TPTE2: variants seen among roughly 807,000 people sequenced by gnomAD.
The protein encoded by TPTE2 is transmembrane phosphoinositide 3-phosphatase and tensin homolog 2, also known as phosphatidylinositol 3,4,5-trisphosphate 3-phosphatase TPTE2.
TPTE2 carries 53 observed loss-of-function variants against 78.6 expected under a neutral mutation model. The ratio of observed to expected loss-of-function variants is 0.67; its 90% confidence interval spans 0.54 to 0.85. The LOEUF (loss-of-function observed/expected upper bound fraction) is 0.85, where lower values mean the gene tolerates loss of function less well. Among genes scored for constraint, TPTE2 ranks in the 40% least tolerant of loss-of-function variants. The probability of loss-of-function intolerance (pLI) is 0.00; values close to 1 mark genes in which losing one functional copy is unlikely to be tolerated. For missense variants in TPTE2, 461 were observed against 623.0 expected (o/e 0.74, Z 2.77); for synonymous variants, 175 against 206.2 (o/e 0.85, Z 1.30).
intron 6 of TPTE2, among the ~76,000 whole-genome samples, chr13:19,468,128 C>T (rs1397395643): frequency 1.3e-5 from 2 of 148,258 alleles, no homozygotes; most frequent in East Asian, 4.0e-4. Context: ...GCAACCTCCA[C>T]CTCCCAGGTT....
the TPTE2 span, chr13:19,560,748 A>C: frequency 6.8e-7 from 1 of 1,476,180 alleles, no homozygotes; most frequent in Non-Finnish European, 9.3e-7. Flanking sequence ...CCAGGGGCCC[A>C]GCAGGGAAGG....
intron 4 of TPTE2, among the ~76,000 whole-genome samples, chr13:19,477,082 G>A (rs977448060): frequency 2.0e-5 from 3 of 152,074 alleles, no homozygotes; most frequent in African/African-American, 7.2e-5. Context: ...TGGATCTGGA[G>A]GCTCTTATCC....
Position 19,486,167 on chromosome 13 carries a change from T to C in TPTE2, c.120-3620A>G, listed in dbSNP as rs1417139224. On this transcript the variant is annotated intron_variant, in intron 3 of 19. Transcript: ENST00000400230. The surrounding 1 kb of genome is among the most constrained non-coding windows in gnomAD (Gnocchi z 4.3). ...ATTTTATGGAGTAGGTTTACTTGTA[T>C]GAATTTATTTCTATGAATAGGTCTC... is the stretch of plus-strand genomic sequence containing the variant. 6.6e-6 allele frequency among the ~76,000 whole-genome samples: 1 copy of C among 152,234 alleles called. No individual in the cohort carries two copies. Among genetic ancestry groups the C allele is most frequent in the Non-Finnish European group, 1.5e-5 (1 of 68,044 alleles).
chr13:19,538,870 T>A (rs1320489584), upstream of TPTE2, among the ~76,000 whole-genome samples: 7 of 152,138 alleles, frequency 4.6e-5, no homozygotes, highest in African/African-American at 1.4e-4. Context: ...TCCGACAGAA[T>A]TGGATTTTTT....
chr13:19,475,074 G>C (rs1879850677), intron 5 of TPTE2, among the ~76,000 whole-genome samples: 2 of 152,210 alleles, frequency 1.3e-5, no homozygotes, highest in African/African-American at 4.8e-5. Context: ...AAAATTCCAT[G>C]ATAAATTACA....
chr13:19,544,978 A>G, the TPTE2 span, among the ~76,000 whole-genome samples: 1 of 140,514 alleles, frequency 7.1e-6, no homozygotes, highest in Non-Finnish European at 1.6e-5. Context: ...ACACACACAC[A>G]CGATAGGCAG....
At chr13:19,529,825 G>A (rs1870753810) in intron 1 of TPTE2, among the ~76,000 whole-genome samples, 1 of 152,038 alleles carries the variant, frequency 6.6e-6, no homozygotes, top group African/African-American at 2.4e-5. Flanking sequence ...TTCTCACTTA[G>A]CATCTCATTT....
chr13:19,561,507 T>C, the TPTE2 span, among the ~76,000 whole-genome samples: 5 of 151,998 alleles, frequency 3.3e-5, no homozygotes, highest in Non-Finnish European at 5.9e-5. Context: ...TACCAGGTTA[T>C]CAGGAAGTAA....
intron 9 of TPTE2, 74 bp from the exon 13 acceptor site, chr13:19,464,594 A>C: frequency 6.7e-7 from 1 of 1,492,072 alleles, no homozygotes; most frequent in South Asian, 1.3e-5. Flanking sequence ...TAATTTATAC[A>C]TGATCAGACT....
At chr13:19,530,309 G>A (rs1383876416) in intron 1 of TPTE2, among the ~76,000 whole-genome samples, 1 of 152,126 alleles carries the variant, frequency 6.6e-6, no homozygotes, top group African/African-American at 2.4e-5. Flanking sequence ...AGTCTGTCAA[G>A]CAGGACCCTG....
intron 15 of TPTE2, among the ~76,000 whole-genome samples, chr13:19,434,647 GGT>G (rs2137485303): frequency 6.6e-6 from 1 of 152,214 alleles, no homozygotes; most frequent in East Asian, 1.9e-4. Flanking sequence ...AGTGGATAAG[GGT>G]GAGTTCTTCT....
chr13:19,437,660 G>A (rs1473014283), intron 14 of TPTE2, among the ~76,000 whole-genome samples: 3 of 152,094 alleles, frequency 2.0e-5, no homozygotes, highest in African/African-American at 7.2e-5. Context: ...AGTGAGGGAA[G>A]CATGTTGATT....
chr13:19,496,905 G>A (rs1185441708), intron 1 of TPTE2, among the ~76,000 whole-genome samples: 1 of 152,162 alleles, frequency 6.6e-6, no homozygotes, highest in Admixed American at 6.5e-5. Flanking sequence ...ATCTCACTAG[G>A]GAGTGCCAGA....
rs376053429 is a variant in TPTE2 at position 19,524,043 on chromosome 13, G to C, written c.-44+12553C>G. Reference sequence around the variant, plus strand: ...AGCTGGGAATGAGATGTCAATAGGGGACTTTGAAATGCTCTGACACATTCC... The same window carrying C: ...AGCTGGGAATGAGATGTCAATAGGGCACTTTGAAATGCTCTGACACATTCC... On this transcript the variant is annotated intron_variant, in intron 1 of 17. Coordinates refer to the TPTE2 transcript ENST00000390680. 3.5e-4 allele frequency among the ~76,000 whole-genome samples: 54 copies of C among 152,262 alleles called. 1 individual carries two copies. In the South Asian group the frequency reaches 0.011, roughly 30 times the overall value.
intron 13 of TPTE2, among the ~76,000 whole-genome samples, chr13:19,444,462 A>T (rs886517971): frequency 1.3e-5 from 2 of 152,122 alleles, no homozygotes; most frequent in Non-Finnish European, 2.9e-5. Flanking sequence ...GATATCATTT[A>T]AATAGCCACA....
intron 11 of TPTE2, 127 bp downstream of exon 14, chr13:19,451,038 T>G: frequency 8.5e-7 from 1 of 1,182,854 alleles, no homozygotes; most frequent in East Asian, 2.6e-5. Context: ...GATGGGGATT[T>G]TTAAATTCAT....
chr13:19,540,389 C>T (rs1420741104), upstream of TPTE2, among the ~76,000 whole-genome samples: 8 of 151,758 alleles, frequency 5.3e-5, no homozygotes, highest in East Asian at 1.6e-3. Context: ...ATTGCAACCT[C>T]AACCTCCCAG....
upstream of TPTE2, among the ~76,000 whole-genome samples, chr13:19,505,390 C>T (rs1199624614): frequency 4.6e-5 from 7 of 152,120 alleles, no homozygotes; most frequent in Non-Finnish European, 1.0e-4. Context: ...ATCTAGCTGT[C>T]TTGGCCTCCC....
the TPTE2 span, among the ~76,000 whole-genome samples, chr13:19,558,335 C>A: frequency 6.6e-6 from 1 of 152,200 alleles, no homozygotes; most frequent in Admixed American, 6.5e-5. Flanking sequence ...ATTCTGTGAA[C>A]CACCATACCT....
Sources: allele counts gnomAD v4.1 joint callset (sites outside exome capture counted in the v4.1 genomes callset), GRCh38; gene constraint gnomAD v4.1.1; non-coding constraint Gnocchi (gnomAD v3.1); transcripts MANE v1.5; gene names NCBI Gene and HGNC (gene_info 2026-07-23, HGNC 2026-07-21).